Variants in GLG1 observed in about 807,000 individuals in gnomAD.
GLG1 encodes Golgi apparatus protein 1.
In GLG1, 38 loss-of-function variants were observed where a neutral mutation model predicts 160.5. The observed-to-expected ratio is 0.24, with a 90% CI of 0.18 to 0.31. The LOEUF is 0.31. Among genes scored for constraint, GLG1 ranks in the 10% least tolerant of loss-of-function variants. The pLI, the probability that GLG1 is intolerant of heterozygous loss-of-function variation, is 1.00. For synonymous variants in GLG1, 644 were observed against 543.4 expected (o/e 1.19, Z -2.57); for missense variants, 1,373 against 1,505.2 (o/e 0.91, Z 1.45).
intron 8 of GLG1, among the ~76,000 whole-genome samples, chr16:74,487,559 A>T (rs1285965407): frequency 6.6e-6 from 1 of 152,226 alleles, no homozygotes; most frequent in Non-Finnish European, 1.5e-5. Flanking sequence ...GCAATTTGGG[A>T]AACCTACAAA....
rs376885681 is a variant in GLG1, at chr16:74,498,466, AT to A, written c.775-1823del. On this transcript the variant is annotated intron_variant, in intron 4 of 25. Transcript: ENST00000422840. ...AAAAAAAGTATATATATATATATAT[AT>A]TATATTTTATATATATATTTTATAT... 7.3e-4 allele frequency among the ~76,000 whole-genome samples: 63 copies of A among 86,628 alleles called. 1 individual carries two copies. The highest frequency in any genetic ancestry group is 5.0e-3 in the Middle Eastern group (1 of 202). The allele number at this position is 86,628 out of a possible 152,430, so 56.8% of individuals were successfully genotyped here. A position where few individuals can be genotyped will look rare whatever the true frequency, so the allele number is the denominator to read the frequency against.
chr16:74,508,572 G>T (rs192038015), intron 3 of GLG1, among the ~76,000 whole-genome samples: 38 of 152,246 alleles, frequency 2.5e-4, no homozygotes, highest in Admixed American at 2.1e-3. Context: ...TGTGAGAGTA[G>T]CACTGATACC....
intron 1 of GLG1, among the ~76,000 whole-genome samples, chr16:74,565,923 G>C (rs960414818): frequency 6.6e-6 from 1 of 152,182 alleles, no homozygotes; most frequent in Non-Finnish European, 1.5e-5. Flanking sequence ...ATCCCATCCA[G>C]GATTTAGTCA....
intron 2 of GLG1, among the ~76,000 whole-genome samples, chr16:74,521,776 C>G (rs1424765996): frequency 6.6e-6 from 1 of 152,154 alleles, no homozygotes; most frequent in African/African-American, 2.4e-5. Context: ...CAATGTAAGT[C>G]CTGGCAGCAG....
rs758870955 is a variant in GLG1 at position 74,453,287 on chromosome 16, C to A, written c.3420G>T (p.Thr1140=). ...GFSDLAMQVM[T]SPSKNYILSV... ...AGAGAATGTAGTTCTTAGATGGAGA[C>A]GTCATTACTTGCATGGCAAGATCAG... The change falls in exon 26 of 26, where the codon ACG becomes ACT. Residue 1140 remains threonine, a synonymous_variant. Coordinates refer to ENST00000422840, the MANE Select transcript of GLG1 (RefSeq NM_001145667.2). The A allele has an allele frequency of 1.9e-6, 3 of 1,613,626 alleles. No homozygotes were observed. In the South Asian group the frequency reaches 3.3e-5, roughly 18 times the overall value.
intron 3 of GLG1, among the ~76,000 whole-genome samples, chr16:74,505,842 G>C (rs145962888): frequency 4.0e-5 from 6 of 151,886 alleles, no homozygotes; most frequent in Non-Finnish European, 8.8e-5. Flanking sequence ...GCAACAGAGC[G>C]AGACTACTTC....
chr16:74,592,466 C>T (rs1034825009), intron 1 of GLG1, among the ~76,000 whole-genome samples: 4 of 152,070 alleles, frequency 2.6e-5, no homozygotes, highest in South Asian at 2.1e-4. Flanking sequence ...TATTCCAAAG[C>T]TTTATGGAAG....
chr16:74,482,049 A>C (rs1000309608), intron 10 of GLG1, among the ~76,000 whole-genome samples: 1 of 151,764 alleles, frequency 6.6e-6, no homozygotes, highest in Non-Finnish European at 1.5e-5. Context: ...CGGACTCCCA[A>C]AGTGCTGGGA....
chr16:74,479,090 C>T (rs954703182), intron 11 of GLG1, among the ~76,000 whole-genome samples: 7 of 74,572 alleles, frequency 9.4e-5, no homozygotes, highest in East Asian at 4.3e-4. Context: ...CCAGGCATGA[C>T]GGCAGGCACC....
intron 1 of GLG1, among the ~76,000 whole-genome samples, chr16:74,535,470 G>A (rs1446729097): frequency 3.3e-5 from 5 of 152,158 alleles, no homozygotes; most frequent in Non-Finnish European, 5.9e-5. Flanking sequence ...GTCTTGTTCT[G>A]TTGCCAGGCT....
intron 1 of GLG1, among the ~76,000 whole-genome samples, chr16:74,588,529 C>G (rs900672907): frequency 2.6e-5 from 4 of 152,032 alleles, no homozygotes; most frequent in African/African-American, 9.7e-5. Context: ...AGGTGATGCT[C>G]CCACCTCAGC....
intron 8 of GLG1, among the ~76,000 whole-genome samples, chr16:74,486,924 T>TTCCC (rs71376210): frequency 2.0e-5 from 3 of 149,576 alleles, no homozygotes; most frequent in Non-Finnish European, 4.4e-5. Flanking sequence ...CTTTTTTTTT[T>TTCCC]CCCCCCCGAG....
chr16:74,461,980 C>T (rs1216309796), intron 22 of GLG1, 114 bp downstream of exon 22: 1 of 629,652 alleles, frequency 1.6e-6, no homozygotes, highest in Admixed American at 2.7e-5. Flanking sequence ...TAGAAGATGG[C>T]CTTCAATTCA....
intron 1 of GLG1, among the ~76,000 whole-genome samples, chr16:74,587,888 A>C (rs78064798): frequency 0.019 from 2,944 of 152,322 alleles, 41 homozygotes; most frequent in Non-Finnish European, 0.028. Context: ...CAAGTACACT[A>C]AAGGGTGTAA....
Position 74,532,132 on chromosome 16 carries a change from C to G in GLG1, c.460G>C (p.Asp154His), listed in dbSNP as rs755158739. 7.2e-7 allele frequency: 1 copy of G among 1,388,496 alleles called. No individual in the cohort carries two copies. The highest frequency in any genetic ancestry group is 1.9e-5 in the South Asian group (1 of 54,040). 86.0% of individuals were successfully genotyped at this position (1,388,496 alleles called of 1,614,324 possible). A position where few individuals can be genotyped will look rare whatever the true frequency, so the allele number is the denominator to read the frequency against. ...VREPENEISS[D>H]CNHLLWNYKL... ...AAATCCATACTTACATGATTGCAGT[C>G]TGAAGAAATTTCATTTTCAGGCTAG... Residue 154 changes from aspartate to histidine, a missense_variant, in exon 2 of 26, where the codon GAC (aspartate) becomes CAC (histidine). By Grantham distance (81) the Asp-to-His change is moderately conservative (BLOSUM62 -1). Coordinates refer to ENST00000422840, the MANE Select transcript of GLG1 (RefSeq NM_001145667.2).
chr16:74,503,765 C>G lies in GLG1; in HGVS notation c.559-19G>C. The stretch of plus-strand genomic sequence containing the variant: ...CTTTAATCTGCTCAAAATAAAGTAG[C>G]TGTTTTACAAAAGTGTTCCATGCTC... On this transcript the variant is annotated intron_variant, in intron 3 of 25. Transcript: ENST00000422840. 6.6e-7 allele frequency: 1 copy of G among 1,514,238 alleles called. No individual in the cohort carries two copies. The highest frequency in any genetic ancestry group is 9.2e-7 in the Non-Finnish European group (1 of 1,089,924). 93.8% of individuals were successfully genotyped at this position (1,514,238 alleles called of 1,614,324 possible).
chr16:74,536,169 T>C (rs1480185093), intron 1 of GLG1, among the ~76,000 whole-genome samples: 1 of 152,232 alleles, frequency 6.6e-6, no homozygotes, highest in African/African-American at 2.4e-5. Context: ...GTTCTCATAC[T>C]GCACCATTCT....
At chr16:74,490,260 T>G (rs1254363357) in intron 8 of GLG1, among the ~76,000 whole-genome samples, 2 of 152,192 alleles carry the variant, frequency 1.3e-5, no homozygotes, top group Admixed American at 1.3e-4. Flanking sequence ...GACCTACAGT[T>G]ATTCAACTGT....
At chr16:74,603,281 G>C (rs1302745721) in intron 1 of GLG1, among the ~76,000 whole-genome samples, 1 of 151,136 alleles carries the variant, frequency 6.6e-6, no homozygotes, top group Admixed American at 6.6e-5. Context: ...GAGGTGGTGC[G>C]TGCCTGTAAT....
Sources: allele counts gnomAD v4.1 joint callset (sites outside exome capture counted in the v4.1 genomes callset), GRCh38; gene constraint gnomAD v4.1.1; transcripts MANE v1.5; gene names NCBI Gene and HGNC (gene_info 2026-07-23, HGNC 2026-07-21).